ADGRL1: variants seen among roughly 807,000 people sequenced by gnomAD.
The protein encoded by ADGRL1 is CIRL-1.
A neutral mutation model predicts 148.9 loss-of-function variants in ADGRL1; 31 were observed. That is an observed-to-expected ratio of 0.21 (90% CI 0.16 to 0.28). The LOEUF (loss-of-function observed/expected upper bound fraction) is 0.28, where lower values mean the gene tolerates loss of function less well. Among genes scored for constraint, ADGRL1 ranks in the 10% least tolerant of loss-of-function variants. The pLI, the probability that ADGRL1 is intolerant of heterozygous loss-of-function variation, is 1.00. For synonymous variants in ADGRL1, 937 were observed against 900.3 expected (o/e 1.04, Z -0.73); for missense variants, 1,521 against 2,058.8 (o/e 0.74, Z 5.05).
At chr19:14,203,488 C>T (rs192419927) in intron 1 of ADGRL1, among the ~76,000 whole-genome samples, 14 of 152,248 alleles carry the variant, frequency 9.2e-5, no homozygotes, top group Non-Finnish European at 2.1e-4. Context: ...AGGACGCAGA[C>T]GCCCCGAGAT....
In ADGRL1 at chr19:14,160,641, A is replaced by G. The variant is rs143160764; in HGVS notation, c.1566T>C (p.Pro522=). Residue 522 remains proline (P), a synonymous_variant, in exon 7 of 23, where the codon CCT becomes CCC. Transcript: ENST00000361434. The surrounding 1 kb of genome is among the most constrained non-coding windows in gnomAD (Gnocchi z 5.9). ...PALGLWNPRG[P]DLSNCTSPWV... ...AGGGGGAGGTGCAGTTGCTGAGGTC[A>G]GGGCCCCGGGGGTTCCAGAGCCCCA... 68 of 1,612,924 alleles carry G rather than the reference A, an allele frequency of 4.2e-5. No homozygotes were observed. Among genetic ancestry groups the G allele is most frequent in the Non-Finnish European group, 5.8e-5 (68 of 1,179,662 alleles).
At position 14,152,796 on chromosome 19, in the gene ADGRL1, G is replaced by A. The variant is rs1329502537; in HGVS notation, c.3411C>T (p.Tyr1137=). 6.2e-7 allele frequency: 1 copy of A among 1,614,048 alleles called. No homozygotes were observed. The highest frequency in any genetic ancestry group is 8.5e-7 in the Non-Finnish European group (1 of 1,180,020). The part of the protein sequence containing the change: ...TSAMRSNTRY[Y]TGTQSRIRRM... ...TCTGGCCCGATACCTGGGTCCCTGT[G>A]TAGTAGCGGGTGTTGCTTCGCATGG... is the stretch of plus-strand genomic sequence containing the variant. The change falls in exon 19 of 23, where the codon TAC becomes TAT. Residue 1137 remains tyrosine (Y), a synonymous_variant. Coordinates refer to ENST00000361434, the MANE Select transcript of ADGRL1 (RefSeq NM_014921.5). The surrounding 1 kb of genome is among the most constrained non-coding windows in gnomAD (Gnocchi z 6.1).
At chr19:14,190,177 G>T (rs974675449) in intron 1 of ADGRL1, among the ~76,000 whole-genome samples, 1 of 152,040 alleles carries the variant, frequency 6.6e-6, no homozygotes, top group Non-Finnish European at 1.5e-5. Flanking sequence ...TGCCTGCCTC[G>T]GCCTCCCAAA....
chr19:14,198,155 G>C (rs1177092891), intron 1 of ADGRL1, among the ~76,000 whole-genome samples: 1 of 152,026 alleles, frequency 6.6e-6, no homozygotes, highest in African/African-American at 2.4e-5. Context: ...AGAGTGGAAG[G>C]AGGTGAGGGC....
chr19:14,196,055 G>A (rs1311880158), intron 1 of ADGRL1, among the ~76,000 whole-genome samples: 1 of 152,044 alleles, frequency 6.6e-6, no homozygotes, highest in Non-Finnish European at 1.5e-5. Context: ...CAGCTTCTCT[G>A]GTCCAGCCCC....
Position 14,158,321 on chromosome 19 carries a change from G to A in ADGRL1, c.2364+17C>T, listed in dbSNP as rs1333331850. On this transcript the variant is annotated intron_variant, in intron 12 of 22. Transcript: ENST00000361434. ...GTACAGGGACCCCCATGGAGGGAGGGGGACGGCTCAGCTCACCTCCAGGTG... is the reference window on the plus strand; with the variant it reads ...GTACAGGGACCCCCATGGAGGGAGGAGGACGGCTCAGCTCACCTCCAGGTG... The A allele has an allele frequency of 6.2e-7, 1 of 1,611,506 alleles. No individual in the cohort carries two copies. The highest frequency in any genetic ancestry group is 8.5e-7 in the Non-Finnish European group (1 of 1,178,890).
chr19:14,150,878 G>A lies in ADGRL1; in HGVS notation c.4405C>T (p.Leu1469Phe). Residue 1469 changes from leucine to phenylalanine, a missense_variant, in exon 23 of 23, where the codon CTC becomes TTC. Leu to Phe is a conservative substitution (Grantham distance 22). Coordinates refer to ENST00000361434, the MANE Select transcript of ADGRL1 (RefSeq NM_014921.5). ...CCCTGGTCCATGAGGTGCCCTCAGA[G>A]ACTGGTGACCAGCTGCATCTGCCCG... ...GDGQMQLVTS[L>F] 1.2e-6 allele frequency: 2 copies of A among 1,611,926 alleles called. No homozygotes were observed. The highest frequency in any genetic ancestry group is 1.3e-5 in the African/African-American group (1 of 75,018).
chr19:14,197,114 A>T (rs553056292), intron 1 of ADGRL1, among the ~76,000 whole-genome samples: 2 of 151,978 alleles, frequency 1.3e-5, no homozygotes, highest in South Asian at 4.2e-4. Flanking sequence ...CTCTACAAAA[A>T]TTTAAAAATT....
At chr19:14,200,570 G>C (rs4328555) in intron 1 of ADGRL1, among the ~76,000 whole-genome samples, 1 of 152,144 alleles carries the variant, frequency 6.6e-6, no homozygotes, top group African/African-American at 2.4e-5. Context: ...ATTTACCATC[G>C]GGCTTTCTAC....
At chr19:14,198,269 G>A (rs528681072) in intron 1 of ADGRL1, among the ~76,000 whole-genome samples, 7 of 152,238 alleles carry the variant, frequency 4.6e-5, no homozygotes, top group African/African-American at 1.4e-4. Flanking sequence ...TGAACAGAGG[G>A]ATGGGATCTG....
chr19:14,173,733 G>A (rs1431297647), intron 3 of ADGRL1, among the ~76,000 whole-genome samples: 1 of 152,026 alleles, frequency 6.6e-6, no homozygotes, highest in Non-Finnish European at 1.5e-5. Context: ...GATCAATTGA[G>A]GTCAGAAGTT....
chr19:14,158,596 G>A, intron 11 of ADGRL1, 44 bp from the exon 12 acceptor site: 2 of 1,516,598 alleles, frequency 1.3e-6, no homozygotes, highest in African/African-American at 2.7e-5. Flanking sequence ...ATCCTCAGCT[G>A]GCGCACCTCC....
intron 3 of ADGRL1, among the ~76,000 whole-genome samples, chr19:14,175,077 A>C (rs1226392811): frequency 6.6e-6 from 1 of 152,002 alleles, no homozygotes; most frequent in East Asian, 1.9e-4. Context: ...TCCTGACCTA[A>C]AGCGATCCCC....
intron 1 of ADGRL1, chr19:14,191,067 AC>A (rs1403753138): frequency 2.2e-6 from 1 of 447,336 alleles, no homozygotes; most frequent in African/African-American, 2.0e-5. Context: ...AGCCTGGCCG[AC>A]AGAGCAAGAC....
intron 3 of ADGRL1, 81 bp downstream of exon 3, chr19:14,177,449 TA>T: frequency 7.7e-7 from 1 of 1,291,366 alleles, no homozygotes; most frequent in Non-Finnish European, 1.1e-6. Flanking sequence ...AAAAAAGATG[TA>T]AGGTGAACGG....
Position 14,162,656 on chromosome 19 carries a change from T to C in ADGRL1, c.1145A>G (p.Tyr382Cys). The C allele has an allele frequency of 6.2e-7, 1 of 1,613,394 alleles. No individual in the cohort carries two copies. Among genetic ancestry groups the C allele is most frequent in the Non-Finnish European group, 8.5e-7 (1 of 1,179,542 alleles). ...CTCCAGGCTGTAGCGCACCACGAAA[T>C]AGTTGTTCCAGACGTACAGCTGGTT... ...RDNQLYVWNN[Y>C]FVVRYSLEFG... The change falls in exon 5 of 23, where the codon TAT (tyrosine) becomes TGT (cysteine). Residue 382 changes from tyrosine (Y) to cysteine (C), a missense_variant. Tyr to Cys is a radical substitution (Grantham distance 194, BLOSUM62 -2). This residue lies in a region of ADGRL1 where 270 missense variants were observed against 320.4 expected (regional missense o/e 0.84). Transcript: ENST00000361434. The surrounding 1 kb of genome is among the most constrained non-coding windows in gnomAD (Gnocchi z 5.4).
At chr19:14,199,751 T>C (rs1343885829) in intron 1 of ADGRL1, among the ~76,000 whole-genome samples, 3 of 147,696 alleles carry the variant, frequency 2.0e-5, no homozygotes, top group Non-Finnish European at 4.5e-5. Flanking sequence ...TTTATTTATT[T>C]GAGACAGAGT....
rs775887683 is a variant in ADGRL1, at chr19:14,161,427, C to T, written c.1395G>A (p.Pro465=). ...PVPSTRRPPA[P]NLHVSPELFC... is the part of the protein sequence containing the mutation. ...AGAGCTCAGGGGACACGTGTAGATTCGGGGCTGGGGGCCGCCGGGTGCTGG... is the reference window on the plus strand; with the variant it reads ...AGAGCTCAGGGGACACGTGTAGATTTGGGGCTGGGGGCCGCCGGGTGCTGG... Residue 465 remains proline, a synonymous_variant, in exon 6 of 23, where the codon CCG becomes CCA. Coordinates refer to ENST00000361434, the MANE Select transcript of ADGRL1 (RefSeq NM_014921.5). This position sits in a 1 kb window ranked among gnomAD's most constrained non-coding sequence, Gnocchi z 4.4. 31 of 1,487,068 alleles carry T rather than the reference C, an allele frequency of 2.1e-5. No individual in the cohort carries two copies. Among genetic ancestry groups the T allele is most frequent in the South Asian group, 1.1e-4 (8 of 76,112 alleles). 92.1% of individuals were successfully genotyped at this position (1,487,068 alleles called of 1,614,324 possible).
In ADGRL1 at chr19:14,159,723, C is replaced by T. The variant is rs762512794; in HGVS notation, c.1839+12G>A. ...GCCCACGGTCCTTACACTGGGACCC[C>T]CTGGGTCTCACCTTGATATAATCCT... On this transcript the variant is annotated intron_variant, in intron 9 of 22. Transcript: ENST00000361434. The surrounding 1 kb of genome is among the most constrained non-coding windows in gnomAD (Gnocchi z 6.0). The T allele has an allele frequency of 5.0e-6, 8 of 1,612,946 alleles. No individual in the cohort carries two copies. In the South Asian group the frequency reaches 7.7e-5, roughly 15 times the overall value.
Sources: allele counts gnomAD v4.1 joint callset (sites outside exome capture counted in the v4.1 genomes callset), GRCh38; gene constraint gnomAD v4.1.1; regional missense constraint gnomAD v4.1.1; non-coding constraint Gnocchi (gnomAD v3.1); transcripts MANE v1.5; gene names NCBI Gene and HGNC (gene_info 2026-07-23, HGNC 2026-07-21).